The following CNTN4 variants were observed in gnomAD, a reference collection of about 807,000 sequenced individuals.
CNTN4 encodes contactin 4.
Under a neutral mutation model 122.5 loss-of-function variants are expected in CNTN4, and 77 were observed. The ratio of observed to expected loss-of-function variants is 0.63; its 90% CI spans 0.52 to 0.76. The LOEUF is 0.76. CNTN4 is among the 30% of genes least tolerant of loss of function. The pLI is 0.00. For missense variants in CNTN4, 1,256 were observed against 1,259.1 expected (o/e 1.00, Z 0.04); for synonymous variants, 512 against 447.0 (o/e 1.15, Z -1.83).
At chr3:2,250,082 A>T (rs558415571) in intron 2 of CNTN4, among the ~76,000 whole-genome samples, 2 of 152,074 alleles carry the variant, frequency 1.3e-5, no homozygotes, top group African/African-American at 4.8e-5. Context: ...TGGGTCTCAT[A>T]TAGAGAAGAT....
intron 3 of CNTN4, among the ~76,000 whole-genome samples, chr3:2,566,708 A>G (rs567796777): frequency 1.3e-5 from 2 of 152,342 alleles, no homozygotes; most frequent in African/African-American, 4.8e-5. Flanking sequence ...TGTAAGAAAG[A>G]TAGGGCTTCT....
intron 3 of CNTN4, among the ~76,000 whole-genome samples, chr3:2,564,001 A>T (rs2079057557): frequency 6.6e-6 from 1 of 152,200 alleles, no homozygotes; most frequent in African/African-American, 2.4e-5. Flanking sequence ...TTTAGACAAC[A>T]GTGAAGCAAG....
At chr3:2,410,761 A>G (rs1384892099) in intron 3 of CNTN4, among the ~76,000 whole-genome samples, 4 of 152,204 alleles carry the variant, frequency 2.6e-5, no homozygotes, top group African/African-American at 7.2e-5. Context: ...CAAAGACTAG[A>G]TGAGCTCATT....
intron 7 of CNTN4, among the ~76,000 whole-genome samples, chr3:2,840,497 G>T (rs1012429391): frequency 4.3e-5 from 6 of 139,972 alleles, no homozygotes; most frequent in Admixed American, 3.0e-4. Flanking sequence ...TCAGGAGATC[G>T]AGACCATCCT....
intron 7 of CNTN4, among the ~76,000 whole-genome samples, chr3:2,862,449 C>CA (rs151174148): frequency 1.3e-5 from 2 of 151,948 alleles, no homozygotes; most frequent in African/African-American, 2.4e-5. Context: ...TGCTGCAAAC[C>CA]AAAAAAACCA....
intron 6 of CNTN4, among the ~76,000 whole-genome samples, chr3:2,805,353 A>G (rs994520836): frequency 1.3e-5 from 2 of 152,202 alleles, no homozygotes; most frequent in Non-Finnish European, 2.9e-5. Flanking sequence ...TGAAAACTGC[A>G]CTAGGAAAGT....
chr3:2,161,414 C>T (rs1262385257), intron 2 of CNTN4, among the ~76,000 whole-genome samples: 1 of 151,922 alleles, frequency 6.6e-6, no homozygotes, highest in Non-Finnish European at 1.5e-5. Flanking sequence ...GAGAGAACTG[C>T]TTGGGGTCGG....
At chr3:2,366,139 A>G (rs955122644) in intron 3 of CNTN4, among the ~76,000 whole-genome samples, 1 of 152,118 alleles carries the variant, frequency 6.6e-6, no homozygotes, top group African/African-American at 2.4e-5. Context: ...CAATTATACT[A>G]CTTTCTCTAC....
intron 3 of CNTN4, among the ~76,000 whole-genome samples, chr3:2,440,093 A>G (rs2048380232): frequency 6.6e-6 from 1 of 152,220 alleles, no homozygotes; most frequent in African/African-American, 2.4e-5. Context: ...TATATTTGTA[A>G]AGATATGCTT....
At chr3:2,844,475 C>A (rs1279508300) in intron 7 of CNTN4, among the ~76,000 whole-genome samples, 1 of 152,150 alleles carries the variant, frequency 6.6e-6, no homozygotes, top group African/African-American at 2.4e-5. Flanking sequence ...AGTGTGTGTT[C>A]ACTCAGCTGT....
At chr3:2,826,746 T>C (rs114398663) in intron 7 of CNTN4, among the ~76,000 whole-genome samples, 2,306 of 152,320 alleles carry the variant, frequency 0.015, 74 homozygotes, top group African/African-American at 0.052. Flanking sequence ...GGACGAATCT[T>C]ACTGTGCTAA....
intron 3 of CNTN4, among the ~76,000 whole-genome samples, chr3:2,483,105 CT>C (rs1229344432): frequency 2.0e-5 from 3 of 152,166 alleles, no homozygotes; most frequent in Admixed American, 2.0e-4. Flanking sequence ...GTGCTATACC[CT>C]GCAAAGCCAT....
At chr3:2,855,658 GTGTCCAGGTCAC>G (rs2093610533) in intron 7 of CNTN4, among the ~76,000 whole-genome samples, 2 of 152,306 alleles carry the variant, frequency 1.3e-5, no homozygotes, top group South Asian at 4.1e-4. Flanking sequence ...GATCTGACCT[GTGTCCAGGTCAC>G]ACGGGTGTCA....
chr3:2,426,278 C>G (rs9839393), intron 3 of CNTN4, among the ~76,000 whole-genome samples: 14 of 151,976 alleles, frequency 9.2e-5, no homozygotes, highest in African/African-American at 2.4e-5. Context: ...TTAGCATGAA[C>G]GGCTGTTGAA....
intron 4 of CNTN4, among the ~76,000 whole-genome samples, chr3:2,626,425 A>T (rs2082189943): frequency 1.3e-5 from 2 of 151,588 alleles, no homozygotes; most frequent in South Asian, 4.2e-4. Context: ...GGAACCCAGG[A>T]GGTGGAGCTT....
At chr3:3,015,993 T>C (rs568671938) in intron 14 of CNTN4, among the ~76,000 whole-genome samples, 3 of 152,304 alleles carry the variant, frequency 2.0e-5, no homozygotes, top group African/African-American at 7.2e-5. Context: ...GGGGGGACTC[T>C]TTTGCTCAGT....
chr3:2,181,788 T>C (rs2037027032), intron 2 of CNTN4, among the ~76,000 whole-genome samples: 1 of 152,094 alleles, frequency 6.6e-6, no homozygotes, highest in Admixed American at 6.6e-5. Context: ...GTGAACAAAG[T>C]AGGGGCTAAT....
At chr3:2,704,917 C>A (rs2086566561) in intron 4 of CNTN4, among the ~76,000 whole-genome samples, 1 of 152,040 alleles carries the variant, frequency 6.6e-6, no homozygotes, top group Admixed American at 6.6e-5. Flanking sequence ...AGTCTAAACA[C>A]TGCGTGAGTG....
At chr3:2,666,386 G>T (rs1012193042) in intron 4 of CNTN4, among the ~76,000 whole-genome samples, 1 of 151,882 alleles carries the variant, frequency 6.6e-6, no homozygotes. Context: ...ATTTTGAACT[G>T]GTATTAAGAA....
Sources: allele counts gnomAD v4.1 joint callset (sites outside exome capture counted in the v4.1 genomes callset), GRCh38; gene constraint gnomAD v4.1.1; transcripts MANE v1.5; gene names NCBI Gene and HGNC (gene_info 2026-07-23, HGNC 2026-07-21).